The following DNAH6 variants were observed in gnomAD, a reference collection of about 807,000 sequenced individuals.
The protein encoded by DNAH6 is axonemal beta dynein heavy chain 6.
A neutral mutation model predicts 491.4 loss-of-function variants in DNAH6; 340 were observed. The observed-to-expected ratio is 0.69, with a 90% CI of 0.63 to 0.76. DNAH6 has a LOEUF of 0.76. DNAH6 is among the 30% of genes least tolerant of loss of function. The pLI is 0.00. For synonymous variants in DNAH6, 1,603 were observed against 1,686.1 expected (o/e 0.95, Z 1.21); for missense variants, 4,443 against 4,972.2 (o/e 0.89, Z 3.20).
rs576958883 is a variant in DNAH6, at chr2:84,774,941, TG to T, written c.10704-6550del. On this transcript the variant is annotated intron_variant, in intron 64 of 76. Transcript: ENST00000389394. ...TCAGTTTTCTAGTTATAAAATCAAA[TG>T]GTTGGAGAAGAAAGATTGTTTGAGT... Among the ~76,000 whole-genome samples, 52 of 152,232 alleles carry T rather than the reference TG, an allele frequency of 3.4e-4. No individual in the cohort carries two copies. The East Asian group carries it at 0.01, about 29-fold the overall frequency.
chr2:84,553,393 CT>C (rs1679659959), intron 10 of DNAH6, among the ~76,000 whole-genome samples: 1 of 136,830 alleles, frequency 7.3e-6, no homozygotes, highest in East Asian at 2.1e-4. Context: ...TTCTTTCTTT[CT>C]TTCTTTCTTT....
At chr2:84,670,939 C>T (rs947027057) in intron 39 of DNAH6, among the ~76,000 whole-genome samples, 17 of 152,150 alleles carry the variant, frequency 1.1e-4, no homozygotes, top group Non-Finnish European at 2.2e-4. Context: ...ACTTTCTGGT[C>T]ACCTTCAGAC....
At chr2:84,511,060 C>T in the DNAH6 span, among the ~76,000 whole-genome samples, 28 of 152,288 alleles carry the variant, frequency 1.8e-4, no homozygotes, top group South Asian at 4.1e-4. Context: ...ATTGTCAGAT[C>T]GCCAGCTGTG....
At chr2:84,788,327 T>C (rs1054400267) in intron 68 of DNAH6, among the ~76,000 whole-genome samples, 1 of 152,254 alleles carries the variant, frequency 6.6e-6, no homozygotes, top group Non-Finnish European at 1.5e-5. Context: ...TGTTTCAGGT[T>C]ACCTCAGTGT....
intron 60 of DNAH6, 86 bp downstream of exon 60, chr2:84,722,890 A>G: frequency 1.2e-6 from 1 of 839,986 alleles, no homozygotes; most frequent in Non-Finnish European, 1.7e-6. Flanking sequence ...CATAAGCCAT[A>G]AGTCTAGTTA....
At chr2:84,480,075 A>G in the DNAH6 span, among the ~76,000 whole-genome samples, 3 of 152,214 alleles carry the variant, frequency 2.0e-5, no homozygotes, top group Non-Finnish European at 4.4e-5. Flanking sequence ...ATTGTCTAAC[A>G]AGCCCACCAA....
Position 84,699,741 on chromosome 2 carries a change from GA to G in DNAH6, c.7818+8del. 9.0e-6 allele frequency: 14 copies of G among 1,549,966 alleles called. No individual in the cohort carries two copies. The highest frequency in any genetic ancestry group is 1.2e-5 in the Non-Finnish European group (14 of 1,146,282). Reference sequence around the variant, plus strand: ...CATTGACTGGTTTGTGCAGGTTGGTGACATCCCAGGATATCTCTTTGAGAAG... The same window carrying G: ...CATTGACTGGTTTGTGCAGGTTGGTGCATCCCAGGATATCTCTTTGAGAAG... On this transcript the variant is annotated splice_region_variant and intron_variant, in intron 48 of 76. Transcript: ENST00000389394.
In DNAH6 at chr2:84,573,508, A is replaced by G; in HGVS notation, c.1845A>G (p.Ala615=). The change falls in exon 12 of 77, where the codon GCA becomes GCG. Residue 615 remains alanine, a synonymous_variant. Transcript: ENST00000389394. ...QAAFESARIY[A]ATFEKFQIFF... Reference sequence around the variant, plus strand: ...CATTTGAATCAGCCCGCATCTATGCAGCTACCTTTGAAAAGTTCCAGATAT... The same window carrying G: ...CATTTGAATCAGCCCGCATCTATGCGGCTACCTTTGAAAAGTTCCAGATAT... The G allele has an allele frequency of 6.3e-7, 1 of 1,592,068 alleles. No homozygotes were observed. Among genetic ancestry groups the G allele is most frequent in the South Asian group, 1.2e-5 (1 of 86,282 alleles).
chr2:84,699,592 A>C lies in DNAH6; in HGVS notation c.7678-2A>C. 2.6e-6 allele frequency: 4 copies of C among 1,542,912 alleles called. No individual in the cohort carries two copies. The highest frequency in any genetic ancestry group is 2.6e-6 in the Non-Finnish European group (3 of 1,143,456). On this transcript the variant is annotated splice_acceptor_variant, in intron 47 of 76. Coordinates refer to ENST00000389394, the MANE Select transcript of DNAH6 (RefSeq NM_001370.2). LOFTEE classifies it high-confidence loss of function. ...CTGAAAAAATAACTTTCTTTTTGTC[A>C]GGTGTTTCAATACTTTATCAGCAAA...
At chr2:84,586,051 G>C (rs1181223338) in intron 15 of DNAH6, among the ~76,000 whole-genome samples, 1 of 152,240 alleles carries the variant, frequency 6.6e-6, no homozygotes, top group Non-Finnish European at 1.5e-5. Flanking sequence ...TCCAAGATCA[G>C]AGAAGATCAA....
At chr2:84,518,699 G>C (rs933135746) in intron 2 of DNAH6, among the ~76,000 whole-genome samples, 2 of 152,180 alleles carry the variant, frequency 1.3e-5, no homozygotes, top group African/African-American at 2.4e-5. Flanking sequence ...TTAAAAGTTT[G>C]TTATGTGCGT....
At chr2:84,640,693 C>A in intron 32 of DNAH6, 115 bp downstream of exon 32, 1 of 1,007,904 alleles carries the variant, frequency 9.9e-7, no homozygotes, top group Non-Finnish European at 1.4e-6. Flanking sequence ...TTGGCTGCTG[C>A]TGTTGTCATC....
At position 84,699,723 on chromosome 2, in the gene DNAH6, T is replaced by G. The variant is rs977259331; in HGVS notation, c.7807T>G (p.Trp2603Gly). The change falls in exon 48 of 77, where the codon TGG (tryptophan) becomes GGG (glycine). Residue 2603 changes from tryptophan (W) to glycine (G), a missense_variant. Coordinates refer to ENST00000389394, the MANE Select transcript of DNAH6 (RefSeq NM_001370.2). ...PSLVNCCTID[W>G]FVQWPREALL... ...CCTTGTGAATTGCTGCACCATTGAC[T>G]GGTTTGTGCAGGTTGGTGACATCCC... 5.2e-6 allele frequency: 8 copies of G among 1,551,296 alleles called. No homozygotes were observed. The highest frequency in any genetic ancestry group is 7.0e-6 in the Non-Finnish European group (8 of 1,146,914).
At chr2:84,642,666 C>G (rs1207306404) in intron 33 of DNAH6, among the ~76,000 whole-genome samples, 1 of 151,910 alleles carries the variant, frequency 6.6e-6, no homozygotes, top group African/African-American at 2.4e-5. Context: ...TATACATTTA[C>G]AACTAATCTA....
chr2:84,812,932 G>A, intron 73 of DNAH6, 126 bp from the exon 74 acceptor site: 2 of 717,524 alleles, frequency 2.8e-6, no homozygotes, highest in Non-Finnish European at 4.7e-6. Context: ...TGAAATGGGG[G>A]TGGTGACTAA....
intron 59 of DNAH6, among the ~76,000 whole-genome samples, chr2:84,721,635 T>A (rs1573603238): frequency 6.6e-6 from 1 of 152,216 alleles, no homozygotes; most frequent in Non-Finnish European, 1.5e-5. Flanking sequence ...TATGTTGATA[T>A]AATATTTTGG....
intron 74 of DNAH6, among the ~76,000 whole-genome samples, 157 bp downstream of exon 74, chr2:84,813,287 G>T (rs758157900): frequency 1.3e-5 from 2 of 152,148 alleles, no homozygotes; most frequent in Admixed American, 6.5e-5. Flanking sequence ...CCTCACTTGT[G>T]GGGGGCAGAG....
intron 64 of DNAH6, among the ~76,000 whole-genome samples, chr2:84,779,977 C>T (rs1478739018): frequency 6.6e-6 from 1 of 152,108 alleles, no homozygotes; most frequent in Non-Finnish European, 1.5e-5. Context: ...TCTCTTCTGG[C>T]TTGTAATGTT....
At chr2:84,501,325 T>C in the DNAH6 span, among the ~76,000 whole-genome samples, 1 of 152,138 alleles carries the variant, frequency 6.6e-6, no homozygotes, top group African/African-American at 2.4e-5. Context: ...GTGTATCACA[T>C]TGATTCATTT....
Sources: gnomAD v4.1 joint callset for allele counts (sites outside exome capture counted in the v4.1 genomes callset) on GRCh38, gnomAD v4.1.1 for gene constraint, MANE v1.5 for transcripts, NCBI Gene and HGNC (gene_info 2026-07-23, HGNC 2026-07-21) for gene names.